DNAJC1: variants seen among roughly 807,000 people sequenced by gnomAD.
The protein encoded by DNAJC1 is dnaJ homolog subfamily C member 1.
Under a neutral mutation model 76.6 loss-of-function variants are expected in DNAJC1, and 58 were observed. The ratio of observed to expected loss-of-function variants is 0.76; its 90% confidence interval spans 0.61 to 0.94. DNAJC1 has a LOEUF of 0.94. Ranked by LOEUF, DNAJC1 falls within the 40% of genes least tolerant of loss-of-function variation. The pLI, the probability that DNAJC1 is intolerant of heterozygous loss-of-function variation, is 0.00. For synonymous variants in DNAJC1, 258 were observed against 267.9 expected (o/e 0.96, Z 0.36); for missense variants, 689 against 677.3 (o/e 1.02, Z -0.19).
chr10:21,780,211 C>T (rs1834508676), intron 9 of DNAJC1, among the ~76,000 whole-genome samples: 1 of 152,164 alleles, frequency 6.6e-6, no homozygotes, highest in Non-Finnish European at 1.5e-5. Flanking sequence ...CCTAGCAAGG[C>T]AGGCCAACAT....
At chr10:21,954,898 C>T (rs906928352) in intron 1 of DNAJC1, among the ~76,000 whole-genome samples, 7 of 152,130 alleles carry the variant, frequency 4.6e-5, no homozygotes, top group Non-Finnish European at 7.4e-5. Context: ...TGATACAAAA[C>T]CCGAGCAGTG....
intron 9 of DNAJC1, among the ~76,000 whole-genome samples, chr10:21,779,041 C>G (rs1834490767): frequency 6.6e-6 from 1 of 152,196 alleles, no homozygotes; most frequent in South Asian, 2.1e-4. Flanking sequence ...GGCAGCGAGG[C>G]TGGGGGAGGG....
chr10:21,807,488 A>C (rs1373633774), intron 8 of DNAJC1, among the ~76,000 whole-genome samples: 2 of 152,178 alleles, frequency 1.3e-5, no homozygotes, highest in African/African-American at 2.4e-5. Context: ...AGCTTCACTC[A>C]TAATCAAAGT....
chr10:21,803,012 A>C (rs898598829), intron 9 of DNAJC1, among the ~76,000 whole-genome samples: 2 of 152,260 alleles, frequency 1.3e-5, no homozygotes, highest in Admixed American at 6.5e-5. Context: ...CTCGGTGTCA[A>C]TTTTTTAAAA....
intron 7 of DNAJC1, among the ~76,000 whole-genome samples, chr10:21,890,712 C>A (rs969837261): frequency 2.6e-5 from 4 of 152,148 alleles, no homozygotes; most frequent in Non-Finnish European, 4.4e-5. Flanking sequence ...GCAGCACTAC[C>A]CCTTCCATGG....
chr10:21,930,510 G>C (rs1023904176), intron 1 of DNAJC1, among the ~76,000 whole-genome samples: 4 of 152,152 alleles, frequency 2.6e-5, no homozygotes, highest in African/African-American at 9.7e-5. Flanking sequence ...GAGTTGGAGA[G>C]AGACAAAGTG....
chr10:21,880,633 C>T (rs527527512), intron 8 of DNAJC1, among the ~76,000 whole-genome samples: 1 of 152,070 alleles, frequency 6.6e-6, no homozygotes, highest in Non-Finnish European at 1.5e-5. Context: ...TTTTACTGAG[C>T]AGTAAGTCTC....
intron 6 of DNAJC1, among the ~76,000 whole-genome samples, chr10:21,912,093 G>T (rs1159432151): frequency 6.6e-6 from 1 of 152,070 alleles, no homozygotes; most frequent in East Asian, 1.9e-4. Context: ...CATTCTGACA[G>T]GGAGTTTAAG....
chr10:21,959,704 T>C (rs188003195), intron 1 of DNAJC1, among the ~76,000 whole-genome samples: 1 of 150,756 alleles, frequency 6.6e-6, no homozygotes, highest in Non-Finnish European at 1.5e-5. Context: ...GAGAATCACT[T>C]GGACCTGGGA....
chr10:21,939,143 C>T (rs1837362743), intron 1 of DNAJC1, among the ~76,000 whole-genome samples: 1 of 152,150 alleles, frequency 6.6e-6, no homozygotes, highest in African/African-American at 2.4e-5. Context: ...CCTACCTCAG[C>T]CTCCTGAAGT....
chr10:21,895,193 C>G (rs1836521730), intron 7 of DNAJC1, among the ~76,000 whole-genome samples: 1 of 152,092 alleles, frequency 6.6e-6, no homozygotes, highest in African/African-American at 2.4e-5. Context: ...AAGCATGTTT[C>G]CAGTGAGAGC....
intron 8 of DNAJC1, among the ~76,000 whole-genome samples, chr10:21,812,769 T>C (rs1472817474): frequency 6.6e-6 from 1 of 152,004 alleles, no homozygotes; most frequent in East Asian, 1.9e-4. Flanking sequence ...AGCTTTAGGT[T>C]TATAGAAAGT....
chr10:21,976,697 G>A (rs1325036610), intron 1 of DNAJC1, among the ~76,000 whole-genome samples: 1 of 152,122 alleles, frequency 6.6e-6, no homozygotes, highest in Non-Finnish European at 1.5e-5. Context: ...AGGAGTAAGC[G>A]ATGTTTTCCA....
intron 1 of DNAJC1, among the ~76,000 whole-genome samples, chr10:21,967,252 G>A (rs1340937406): frequency 1.3e-5 from 2 of 152,064 alleles, no homozygotes; most frequent in African/African-American, 4.8e-5. Flanking sequence ...TACTTTCTGT[G>A]TCTTTAGTTT....
chr10:21,887,804 T>C (rs902953265), intron 7 of DNAJC1, among the ~76,000 whole-genome samples: 4 of 151,956 alleles, frequency 2.6e-5, no homozygotes, highest in Non-Finnish European at 4.4e-5. Flanking sequence ...ACACAGGCAA[T>C]AGCAACCTGG....
chr10:21,809,320 TAATA>T (rs895204027), intron 8 of DNAJC1, among the ~76,000 whole-genome samples: 5 of 151,966 alleles, frequency 3.3e-5, no homozygotes, highest in South Asian at 2.1e-4. Flanking sequence ...CATTTCTATC[TAATA>T]AATAGATACT....
At chr10:21,856,622 A>C (rs1294807755) in intron 8 of DNAJC1, among the ~76,000 whole-genome samples, 1 of 152,164 alleles carries the variant, frequency 6.6e-6, no homozygotes, top group Non-Finnish European at 1.5e-5. Flanking sequence ...AAATTTACCA[A>C]CACACTCATG....
At chr10:21,825,226 T>C (rs1835228716) in intron 8 of DNAJC1, among the ~76,000 whole-genome samples, 1 of 152,176 alleles carries the variant, frequency 6.6e-6, no homozygotes, top group South Asian at 2.1e-4. Context: ...TAACCCCCTG[T>C]CTCTAGTCTC....
intron 1 of DNAJC1, among the ~76,000 whole-genome samples, chr10:21,944,966 G>T (rs960611114): frequency 6.6e-6 from 1 of 152,164 alleles, no homozygotes; most frequent in Non-Finnish European, 1.5e-5. Flanking sequence ...CCAAGTAGGA[G>T]GTGTTTTTGA....
Sources: allele counts gnomAD v4.1 joint callset (sites outside exome capture counted in the v4.1 genomes callset), GRCh38; gene constraint gnomAD v4.1.1; transcripts MANE v1.5; gene names NCBI Gene and HGNC (gene_info 2026-07-23, HGNC 2026-07-21).